UGT1A5: variants seen among roughly 807,000 people sequenced by gnomAD.
The protein encoded by UGT1A5 is UDP glucuronosyltransferase family 1 member A5.
In UGT1A5, 29 loss-of-function variants were observed where a neutral mutation model predicts 40.3. The observed-to-expected ratio is 0.72, with a 90% CI of 0.54 to 0.98. The LOEUF is 0.98. Among genes scored for constraint, UGT1A5 ranks in the 50% least tolerant of loss-of-function variants. The pLI is 0.00. For synonymous variants in UGT1A5, 257 were observed against 262.5 expected (o/e 0.98, Z 0.20); for missense variants, 678 against 677.9 (o/e 1.00, Z 0.00).
At chr2:233,758,423 G>A (rs1305067521) in intron 1 of UGT1A5, among the ~76,000 whole-genome samples, 1 of 152,182 alleles carries the variant, frequency 6.6e-6, no homozygotes, top group Non-Finnish European at 1.5e-5. Flanking sequence ...ATCTGCAAAT[G>A]AACTCACACA....
intron 1 of UGT1A5, among the ~76,000 whole-genome samples, chr2:233,757,557 T>C (rs1380539575): frequency 8.0e-6 from 1 of 124,464 alleles, no homozygotes; most frequent in Non-Finnish European, 1.7e-5. Context: ...TATATATATA[T>C]ATATGTATAT....
chr2:233,724,349 A>G (rs1243720800), intron 1 of UGT1A5, among the ~76,000 whole-genome samples: 1 of 126,480 alleles, frequency 7.9e-6, no homozygotes, highest in Admixed American at 7.8e-5. Flanking sequence ...GACCCCCCCC[A>G]CCTCCCTCCC....
chr2:233,768,067 T>C, intron 3 of UGT1A5, 131 bp downstream of exon 3: 1 of 1,596,454 alleles, frequency 6.3e-7, no homozygotes, highest in Non-Finnish European at 8.5e-7. Context: ...GCTTTTTATC[T>C]AGTGGGGTAT....
chr2:233,757,298 TG>T (rs1270061010), intron 1 of UGT1A5, among the ~76,000 whole-genome samples: 3 of 5,528 alleles, frequency 5.4e-4, no homozygotes, highest in Non-Finnish European at 9.8e-4. Context: ...AGCTGGGGGT[TG>T]GGGGACAGGG....
chr2:233,736,073 G>A (rs972063908), intron 1 of UGT1A5, among the ~76,000 whole-genome samples: 1 of 152,142 alleles, frequency 6.6e-6, no homozygotes, highest in Non-Finnish European at 1.5e-5. Flanking sequence ...CTAGGTTTGG[G>A]AAGTTCTCCT....
chr2:233,719,429 C>T (rs2076765385), intron 1 of UGT1A5: 1 of 1,613,996 alleles, frequency 6.2e-7, no homozygotes, highest in Non-Finnish European at 8.5e-7. Flanking sequence ...CCAATTCAGA[C>T]CACATGACAT....
chr2:233,719,570 C>T (rs1385911118), intron 1 of UGT1A5: 16 of 1,613,822 alleles, frequency 9.9e-6, no homozygotes, highest in African/African-American at 1.3e-5. Flanking sequence ...ATCTTGTCAG[C>T]TATGCATCCG....
chr2:233,753,810 A>G (rs1695316193), intron 1 of UGT1A5, among the ~76,000 whole-genome samples: 1 of 152,190 alleles, frequency 6.6e-6, no homozygotes, highest in Non-Finnish European at 1.5e-5. Flanking sequence ...ATAGTTGGAG[A>G]ACCACGTTAG....
chr2:233,729,663 T>C (rs137893400), intron 1 of UGT1A5: 1,316 of 1,613,944 alleles, frequency 8.2e-4, no homozygotes, highest in Non-Finnish European at 1.0e-3. Context: ...TTCCATGTGA[T>C]TTAGACTTTA....
At chr2:233,755,059 C>G (rs773771831) in intron 1 of UGT1A5, 6 of 1,335,122 alleles carry the variant, frequency 4.5e-6, no homozygotes, top group Admixed American at 3.8e-5. Context: ...TCCGCCCTCG[C>G]CTCGCCATAG....
intron 1 of UGT1A5, chr2:233,743,933 G>A (rs1319527828): frequency 7.4e-7 from 1 of 1,357,164 alleles, no homozygotes; most frequent in Non-Finnish European, 9.8e-7. Flanking sequence ...TGGCCAGAAC[G>A]GCCCACCAGG....
intron 1 of UGT1A5, chr2:233,740,547 G>GA (rs1691417394): frequency 6.6e-6 from 1 of 151,824 alleles, no homozygotes; most frequent in Non-Finnish European, 1.5e-5. Flanking sequence ...ACTCCAGCCA[G>GA]AAAAAATGTC....
At chr2:233,743,673 G>C (rs1692427758) in intron 1 of UGT1A5, 4 of 1,367,190 alleles carry the variant, frequency 2.9e-6, no homozygotes, top group Middle Eastern at 4.2e-4. Context: ...TCCTCGAAGG[G>C]CCTGCCGCCT....
Position 233,769,514 on chromosome 2 carries a change from A to G in UGT1A5, c.1307+1075A>G. 2 of 1,612,844 alleles carry G rather than the reference A, an allele frequency of 1.2e-6. No homozygotes were observed. The highest frequency in any genetic ancestry group is 1.7e-6 in the Non-Finnish European group (2 of 1,179,856). ...ATGAGAGTGTCCATTGCTTTCTCCCATGGTTACCTCCTTTAGAAAGAAGCA... is the reference window on the plus strand; with the variant it reads ...ATGAGAGTGTCCATTGCTTTCTCCCGTGGTTACCTCCTTTAGAAAGAAGCA... On this transcript the variant is annotated intron_variant, in intron 4 of 4. Transcript: ENST00000373414. This position sits in a 1 kb window ranked among gnomAD's most constrained non-coding sequence, Gnocchi z 4.4.
At chr2:233,728,412 A>G (rs1046404926) in intron 1 of UGT1A5, among the ~76,000 whole-genome samples, 2 of 152,174 alleles carry the variant, frequency 1.3e-5, no homozygotes, top group Non-Finnish European at 2.9e-5. Flanking sequence ...TGCTTTAGAT[A>G]GCAGCACCTC....
At chr2:233,744,445 T>A (rs1692819462) in intron 1 of UGT1A5, among the ~76,000 whole-genome samples, 1 of 151,876 alleles carries the variant, frequency 6.6e-6, no homozygotes, top group Non-Finnish European at 1.5e-5. Context: ...ACGTACTGCA[T>A]TAGAGATTAA....
chr2:233,718,965 C>T (rs182680267), intron 1 of UGT1A5: 112 of 1,614,172 alleles, frequency 6.9e-5, no homozygotes, highest in African/African-American at 6.7e-4. Flanking sequence ...GGAGGCCTTG[C>T]GGGAGCTCCA....
intron 1 of UGT1A5, among the ~76,000 whole-genome samples, chr2:233,716,634 C>T (rs1575513660): frequency 6.6e-6 from 1 of 152,096 alleles, no homozygotes; most frequent in Non-Finnish European, 1.5e-5. Context: ...AAGTTTTTAT[C>T]GTTTGTACTT....
chr2:233,731,109 T>C (rs1417583719), intron 1 of UGT1A5, among the ~76,000 whole-genome samples: 2 of 152,194 alleles, frequency 1.3e-5, no homozygotes, highest in African/African-American at 2.4e-5. Flanking sequence ...TTTTTATAAA[T>C]GTAGGTATTA....
Sources: gnomAD v4.1 joint callset for allele counts (sites outside exome capture counted in the v4.1 genomes callset) on GRCh38, gnomAD v4.1.1 for gene constraint, Gnocchi (gnomAD v3.1) non-coding constraint, MANE v1.5 for transcripts, NCBI Gene and HGNC (gene_info 2026-07-23, HGNC 2026-07-21) for gene names.